Variants in SLCO3A1 observed in about 807,000 individuals in gnomAD.
SLCO3A1 encodes the protein PGE1 transporter.
SLCO3A1 carries 27 observed loss-of-function variants against 63.1 expected under a neutral mutation model. The observed-to-expected ratio is 0.43, with a 90% confidence interval of 0.32 to 0.59. The LOEUF is 0.59. SLCO3A1 is among the 20% of genes least tolerant of loss of function. The pLI is 0.09. For synonymous variants in SLCO3A1, 473 were observed against 409.9 expected, an observed-to-expected ratio of 1.15 and a Z score of -1.86; for missense variants, 773 against 945.8, an observed-to-expected ratio of 0.82 and a Z score of 2.40.
At chr15:91,879,740 A>T (rs1387472637) in intron 1 of SLCO3A1, among the ~76,000 whole-genome samples, 4 of 152,302 alleles carry the variant, frequency 2.6e-5, no homozygotes, top group African/African-American at 7.2e-5. Context: ...CTAATGGTCC[A>T]GTTTTCTTCT....
chr15:92,004,722 C>G (rs549291190), intron 2 of SLCO3A1, among the ~76,000 whole-genome samples: 2 of 152,338 alleles, frequency 1.3e-5, no homozygotes, highest in South Asian at 4.1e-4. Flanking sequence ...AGGTGCATCC[C>G]AGAAGCAATA....
At chr15:92,170,784 C>T (rs2048516879), downstream of SLCO3A1, 1 of 152,228 alleles carries the variant, frequency 6.6e-6, no homozygotes, top group Non-Finnish European at 1.5e-5. Flanking sequence ...TCAAAACACT[C>T]CTCCTTCCTA....
chr15:91,985,720 C>T (rs1308688289), intron 2 of SLCO3A1, among the ~76,000 whole-genome samples: 2 of 152,164 alleles, frequency 1.3e-5, no homozygotes, highest in Non-Finnish European at 2.9e-5. Context: ...ACTAGTGCTC[C>T]TCAGGAGTGT....
chr15:91,986,523 T>C lies in SLCO3A1; in HGVS notation c.646+70065T>C, dbSNP rs576848156. On this transcript the variant is annotated intron_variant, in intron 2 of 9. Transcript: ENST00000318445. ...TAAAATTCATTTTATGTTGACCTAA[T>C]AGAGCCAAAATATAATTTCAGTAAG... Among the ~76,000 whole-genome samples, 3 of 151,896 alleles carry C rather than the reference T, an allele frequency of 2.0e-5. No individual in the cohort carries two copies. In the East Asian group the frequency reaches 5.8e-4, roughly 30 times the overall value.
intron 2 of SLCO3A1, among the ~76,000 whole-genome samples, chr15:92,002,847 C>T (rs983057599): frequency 1.3e-5 from 2 of 152,144 alleles, no homozygotes; most frequent in Non-Finnish European, 2.9e-5. Flanking sequence ...GATAATATTA[C>T]ATGCACTGTG....
chr15:91,993,136 G>A (rs1192825227), intron 2 of SLCO3A1, among the ~76,000 whole-genome samples: 1 of 152,178 alleles, frequency 6.6e-6, no homozygotes, highest in Admixed American at 6.5e-5. Flanking sequence ...GGGAGAAGAG[G>A]AAGCAGAAAT....
chr15:91,887,271 C>T (rs922984767), intron 1 of SLCO3A1, among the ~76,000 whole-genome samples: 11 of 152,148 alleles, frequency 7.2e-5, no homozygotes, highest in African/African-American at 2.2e-4. Flanking sequence ...CCCCCTTCCT[C>T]GGCCATTTTC....
downstream of SLCO3A1, among the ~76,000 whole-genome samples, chr15:92,166,749 G>T (rs2048495816): frequency 1.3e-5 from 2 of 152,274 alleles, no homozygotes; most frequent in Admixed American, 1.3e-4. Flanking sequence ...ATTCACTGAG[G>T]AACATTTAAA....
intron 7 of SLCO3A1, among the ~76,000 whole-genome samples, chr15:92,145,937 T>C (rs2048215807): frequency 6.9e-6 from 1 of 144,488 alleles, no homozygotes; most frequent in Non-Finnish European, 1.5e-5. Flanking sequence ...AACCATCCCA[T>C]ATAGCTTAGT....
chr15:91,907,414 CAGGCTGGTCTTGAACTGCT>C (rs1437131577), intron 1 of SLCO3A1, among the ~76,000 whole-genome samples: 1 of 151,786 alleles, frequency 6.6e-6, no homozygotes, highest in East Asian at 2.0e-4. Flanking sequence ...CCATGTTGTC[CAGGCTGGTCTTGAACTGCT>C]GACCTCAGGT....
At chr15:92,147,198 C>G (rs776404356) in intron 8 of SLCO3A1, 39 bp downstream of exon 8, 8 of 1,580,178 alleles carry the variant, frequency 5.1e-6, no homozygotes, top group Non-Finnish European at 6.9e-6. Context: ...CTCCTTTCCA[C>G]CTGGTGTTCA....
At chr15:91,870,968 G>A (rs147985817) in intron 1 of SLCO3A1, among the ~76,000 whole-genome samples, 1,926 of 152,002 alleles carry the variant, frequency 0.013, 11 homozygotes, top group Middle Eastern at 0.024. Context: ...CTTTTGGGGG[G>A]TATCTTTCTC....
At chr15:92,139,444 G>T (rs2048100229) in intron 7 of SLCO3A1, among the ~76,000 whole-genome samples, 1 of 151,944 alleles carries the variant, frequency 6.6e-6, no homozygotes, top group African/African-American at 2.4e-5. Flanking sequence ...TTTCTTTTTT[G>T]GTTGTGTCTC....
At chr15:92,004,908 G>A (rs1239920357) in intron 2 of SLCO3A1, among the ~76,000 whole-genome samples, 1 of 152,126 alleles carries the variant, frequency 6.6e-6, no homozygotes, top group African/African-American at 2.4e-5. Context: ...CTCCAAGTGT[G>A]GTCTATGGCT....
chr15:92,155,178 T>G (rs567139454), intron 9 of SLCO3A1: 1 of 151,284 alleles, frequency 6.6e-6, no homozygotes, highest in Non-Finnish European at 1.5e-5. Context: ...TCCATCCTCC[T>G]TTATTCTTCT....
At chr15:91,871,755 T>C in intron 1 of SLCO3A1, among the ~76,000 whole-genome samples, 1 of 63,336 alleles carries the variant, frequency 1.6e-5, no homozygotes, top group South Asian at 3.8e-4. Flanking sequence ...GCTCATTTTG[T>C]TTTTTTTTGG....
At position 92,132,156 on chromosome 15, in the gene SLCO3A1, A is replaced by T. The variant is rs1387385979; in HGVS notation, c.1512+3667A>T. On this transcript the variant is annotated intron_variant, in intron 7 of 9. Transcript: ENST00000318445. ...TAGGTTGGATGGTGCCAGTTTCAGT[A>T]CTAAAGACCTGATCCTTGCTCGCCA... Among the ~76,000 whole-genome samples, 2 of 145,476 alleles carry T rather than the reference A, an allele frequency of 1.4e-5. 1 individual carries two copies. Among genetic ancestry groups the T allele is most frequent in the Non-Finnish European group, 3.1e-5 (2 of 65,016 alleles).
chr15:91,940,735 C>A (rs745779628), intron 2 of SLCO3A1, among the ~76,000 whole-genome samples: 1 of 152,196 alleles, frequency 6.6e-6, no homozygotes, highest in African/African-American at 2.4e-5. Flanking sequence ...CAGGGGCATC[C>A]TCCACAACCC....
intron 2 of SLCO3A1, among the ~76,000 whole-genome samples, chr15:91,949,546 C>G (rs1434507491): frequency 6.6e-6 from 1 of 152,168 alleles, no homozygotes; most frequent in Non-Finnish European, 1.5e-5. Flanking sequence ...ACAAGACACA[C>G]TTCAACCCGG....
Sources: gnomAD v4.1 joint callset for allele counts (sites outside exome capture counted in the v4.1 genomes callset) on GRCh38, gnomAD v4.1.1 for gene constraint, MANE v1.5 for transcripts, NCBI Gene and HGNC (gene_info 2026-07-23, HGNC 2026-07-21) for gene names.